NSD1: variants seen among roughly 807,000 people sequenced by gnomAD.
NSD1 encodes the protein histone-lysine N-methyltransferase, H3 lysine-36 specific.
A neutral mutation model predicts 242.7 loss-of-function variants in NSD1; 26 were observed. That is an observed-to-expected ratio of 0.11 (90% CI 0.08 to 0.15). The LOEUF (loss-of-function observed/expected upper bound fraction) is 0.15, where lower values mean the gene tolerates loss of function less well. NSD1 is among the 10% of genes least tolerant of loss of function. The pLI, the probability that NSD1 is intolerant of heterozygous loss-of-function variation, is 1.00. For synonymous variants in NSD1, 1,106 were observed against 1,178.1 expected, an observed-to-expected ratio of 0.94 and a Z score of 1.25; for missense variants, 2,495 against 3,272.8, an observed-to-expected ratio of 0.76 and a Z score of 5.80.
chr5:177,171,159 A>G (rs1759670536), intron 2 of NSD1, among the ~76,000 whole-genome samples: 1 of 152,034 alleles, frequency 6.6e-6, no homozygotes, highest in Admixed American at 6.6e-5. Flanking sequence ...TCTCTAATAA[A>G]AATACAAAAA....
intron 20 of NSD1, among the ~76,000 whole-genome samples, chr5:177,287,779 T>C (rs1449367460): frequency 1.3e-5 from 2 of 152,266 alleles, no homozygotes; most frequent in East Asian, 1.9e-4. Context: ...AAGCTCCTTA[T>C]GGCATGAGCC....
chr5:177,279,997 TA>T (rs1758735216), intron 17 of NSD1, among the ~76,000 whole-genome samples: 1 of 145,702 alleles, frequency 6.9e-6, no homozygotes, highest in Admixed American at 6.8e-5. Flanking sequence ...TATTTTATTT[TA>T]TTTTATTTTA....
At chr5:177,291,859 G>T in intron 21 of NSD1, 95 bp from the exon 22 acceptor site, 1 of 1,143,504 alleles carries the variant, frequency 8.7e-7, no homozygotes, top group Non-Finnish European at 1.3e-6. Context: ...TCTTTTCCCA[G>T]AGAAGAGAAT....
chr5:177,186,029 ATT>A (rs565401593), intron 2 of NSD1, among the ~76,000 whole-genome samples: 2 of 102,252 alleles, frequency 2.0e-5, no homozygotes, highest in African/African-American at 8.0e-5. Flanking sequence ...TATATTATAT[ATT>A]TTTTATATAT....
At position 177,177,341 on chromosome 5, in the gene NSD1, C is replaced by G. The variant is rs551651686; in HGVS notation, c.928-14543C>G. Among the ~76,000 whole-genome samples, 264 of 152,036 alleles carry G rather than the reference C, an allele frequency of 1.7e-3. 5 individuals are homozygous for G. The highest frequency in any genetic ancestry group is 1.6e-4 in the Non-Finnish European group (11 of 68,008). ...ACCAGCCTTGCCAACCTGGTGAAACCCCCTCTCTACTAAAAATACAAAAAT... is the reference window on the plus strand; with the variant it reads ...ACCAGCCTTGCCAACCTGGTGAAACGCCCTCTCTACTAAAAATACAAAAAT... On this transcript the variant is annotated intron_variant, in intron 2 of 22. Transcript: ENST00000439151.
intron 11 of NSD1, among the ~76,000 whole-genome samples, chr5:177,249,352 G>T (rs1755714562): frequency 1.3e-5 from 2 of 151,998 alleles, no homozygotes; most frequent in Non-Finnish European, 2.9e-5. Context: ...GCCAGCTGTA[G>T]TGGCTCATAC....
Position 177,250,827 on chromosome 5 carries a change from A to G in NSD1, c.4642-903A>G, listed in dbSNP as rs374479757. Among the ~76,000 whole-genome samples, 26 of 152,244 alleles carry G rather than the reference A, an allele frequency of 1.7e-4. No individual in the cohort carries two copies. In the East Asian group the frequency reaches 5.0e-3, roughly 29 times the overall value. ...AGTGATCAAGACCTATTCTGTTTCT[A>G]TGAGTTCTTGAAGCTAAAACTTACT... is the stretch of plus-strand genomic sequence containing the variant. On this transcript the variant is annotated intron_variant, in intron 11 of 22. Transcript: ENST00000439151.
At chr5:177,142,265 C>A (rs1004989379) in intron 2 of NSD1, among the ~76,000 whole-genome samples, 2 of 152,034 alleles carry the variant, frequency 1.3e-5, no homozygotes, top group African/African-American at 4.8e-5. Context: ...GATTAAAATA[C>A]ATTTGAGTAC....
intron 17 of NSD1, among the ~76,000 whole-genome samples, chr5:177,279,445 C>T (rs930570835): frequency 6.6e-6 from 1 of 151,978 alleles, no homozygotes; most frequent in Admixed American, 6.6e-5. Flanking sequence ...TTGCAGTCAG[C>T]CAAGATCCCG....
intron 6 of NSD1, 144 bp downstream of exon 6, chr5:177,236,089 G>C (rs552380275): frequency 3.8e-6 from 3 of 797,372 alleles, no homozygotes; most frequent in East Asian, 5.3e-5. Context: ...ACAGTACTTA[G>C]GATTTAGTGG....
intron 11 of NSD1, among the ~76,000 whole-genome samples, chr5:177,250,927 C>G (rs1381294311): frequency 6.6e-6 from 1 of 152,170 alleles, no homozygotes; most frequent in Non-Finnish European, 1.5e-5. Context: ...TGCGGTGGCT[C>G]ACACCTGTAA....
intron 5 of NSD1, among the ~76,000 whole-genome samples, chr5:177,221,607 A>G (rs1403329375): frequency 6.6e-6 from 1 of 150,402 alleles, no homozygotes; most frequent in Admixed American, 6.7e-5. Flanking sequence ...CTGGGATTAG[A>G]TTACAGGCAT....
At chr5:177,202,654 C>T (rs1312456200) in intron 3 of NSD1, among the ~76,000 whole-genome samples, 1 of 152,148 alleles carries the variant, frequency 6.6e-6, no homozygotes, top group Non-Finnish European at 1.5e-5. Context: ...ATTGGGATTA[C>T]AGGTGTGAGC....
chr5:177,251,684 T>G, intron 11 of NSD1, 46 bp from the exon 12 acceptor site: 1 of 1,608,528 alleles, frequency 6.2e-7, no homozygotes, highest in Non-Finnish European at 8.5e-7. Context: ...TTACTCTTGA[T>G]TCTCAAACAT....
rs534843625 is a variant in NSD1 at position 177,143,479 on chromosome 5, G to A, written c.927+7449G>A. ...TGGGATTACAGGTGCATGCCACCAC[G>A]CCTGGCTAATTTTTGTATTTTTAGA... On this transcript the variant is annotated intron_variant, in intron 2 of 22. Coordinates refer to ENST00000439151, the MANE Select transcript of NSD1 (RefSeq NM_022455.5). Among the ~76,000 whole-genome samples the A allele has an allele frequency of 4.6e-5, 7 of 151,982 alleles. No individual in the cohort carries two copies. In the East Asian group the frequency reaches 7.8e-4, roughly 17 times the overall value.
intron 17 of NSD1, among the ~76,000 whole-genome samples, chr5:177,276,662 A>G (rs1458710828): frequency 6.6e-6 from 1 of 151,796 alleles, no homozygotes; most frequent in African/African-American, 2.4e-5. Flanking sequence ...TTTATTAGAG[A>G]TGATGATTTC....
At chr5:177,159,397 C>T (rs1758546402) in intron 2 of NSD1, among the ~76,000 whole-genome samples, 1 of 150,792 alleles carries the variant, frequency 6.6e-6, no homozygotes, top group African/African-American at 2.4e-5. Context: ...ATTCCGGTGC[C>T]TCAGCTTCCC....
chr5:177,149,745 A>G (rs1757551902), intron 2 of NSD1, among the ~76,000 whole-genome samples: 1 of 152,064 alleles, frequency 6.6e-6, no homozygotes. Context: ...CTGAGAATCT[A>G]ATGCCACCCC....
intron 2 of NSD1, among the ~76,000 whole-genome samples, chr5:177,166,271 G>C (rs1005755448): frequency 6.6e-6 from 1 of 151,970 alleles, no homozygotes; most frequent in Non-Finnish European, 1.5e-5. Context: ...TTTAGGGTTG[G>C]GCAAGGTGGC....
Sources: allele counts gnomAD v4.1 joint callset (sites outside exome capture counted in the v4.1 genomes callset), GRCh38; gene constraint gnomAD v4.1.1; transcripts MANE v1.5; gene names NCBI Gene and HGNC (gene_info 2026-07-23, HGNC 2026-07-21).